The following DGKB variants were observed in gnomAD, a reference collection of about 807,000 sequenced individuals.
DGKB encodes the protein diacylglycerol kinase beta.
In DGKB, 67 loss-of-function variants were observed where a neutral mutation model predicts 114.3. The ratio of observed to expected loss-of-function variants is 0.59; its 90% CI spans 0.48 to 0.72. The LOEUF is 0.72. Ranked by LOEUF, DGKB falls within the 30% of genes least tolerant of loss-of-function variation. DGKB has a pLI of 0.00. For missense variants in DGKB, 907 were observed against 975.2 expected (o/e 0.93, Z 0.93); for synonymous variants, 398 against 323.1 (o/e 1.23, Z -2.49).
chr7:14,902,155 G>C (rs1293866480), intron 1 of DGKB, among the ~76,000 whole-genome samples: 1 of 152,082 alleles, frequency 6.6e-6, no homozygotes, highest in Non-Finnish European at 1.5e-5. Flanking sequence ...TTGCTTGCTT[G>C]CTTGTTTAGT....
intron 2 of DGKB, among the ~76,000 whole-genome samples, chr7:14,801,807 TTC>T (rs560728329): frequency 7.9e-4 from 120 of 151,976 alleles, no homozygotes; most frequent in African/African-American, 2.7e-3. Flanking sequence ...ATAAATTAGT[TTC>T]TCTCTCTCCC....
At chr7:14,728,325 C>T (rs1303413057) in intron 5 of DGKB, among the ~76,000 whole-genome samples, 1 of 152,172 alleles carries the variant, frequency 6.6e-6, no homozygotes, top group African/African-American at 2.4e-5. Context: ...CTTAAAATCT[C>T]ATAATGGCTT....
intron 25 of DGKB, among the ~76,000 whole-genome samples, chr7:14,159,171 G>C (rs191782377): frequency 1.6e-3 from 236 of 152,012 alleles, no homozygotes; most frequent in African/African-American, 5.2e-3. Flanking sequence ...GCTCCCACTG[G>C]ACCGTATGCC....
intron 23 of DGKB, among the ~76,000 whole-genome samples, chr7:14,288,921 G>C (rs746746088): frequency 2.6e-5 from 4 of 152,170 alleles, no homozygotes; most frequent in African/African-American, 9.7e-5. Context: ...GCTTGTGATA[G>C]CATCCACATG....
At chr7:14,627,850 G>A (rs1159058426) in intron 14 of DGKB, among the ~76,000 whole-genome samples, 1 of 151,842 alleles carries the variant, frequency 6.6e-6, no homozygotes, top group East Asian at 1.9e-4. Flanking sequence ...GGCTGAAGCA[G>A]GAGAATCGCT....
At chr7:14,408,118 C>T (rs1269405707) in intron 21 of DGKB, among the ~76,000 whole-genome samples, 10 of 152,060 alleles carry the variant, frequency 6.6e-5, no homozygotes, top group Admixed American at 6.6e-4. Flanking sequence ...GAAGAAAAAA[C>T]ATGGTGGCTC....
At chr7:14,486,511 C>T (rs1205448709) in intron 20 of DGKB, among the ~76,000 whole-genome samples, 1 of 152,134 alleles carries the variant, frequency 6.6e-6, no homozygotes, top group African/African-American at 2.4e-5. Flanking sequence ...CCCCAGGTGA[C>T]ATTTTCACCG....
intron 15 of DGKB, among the ~76,000 whole-genome samples, chr7:14,615,569 A>G (rs1806359118): frequency 6.6e-6 from 1 of 151,878 alleles, no homozygotes; most frequent in South Asian, 2.1e-4. Context: ...TTAAATGGAG[A>G]AACAGATTAA....
At chr7:14,240,523 A>G (rs1306488954) in intron 23 of DGKB, among the ~76,000 whole-genome samples, 1 of 152,086 alleles carries the variant, frequency 6.6e-6, no homozygotes, top group East Asian at 1.9e-4. Context: ...GATCATTATC[A>G]GAGCTGTCCC....
At chr7:14,829,813 C>T (rs1846173907) in intron 2 of DGKB, among the ~76,000 whole-genome samples, 1 of 152,044 alleles carries the variant, frequency 6.6e-6, no homozygotes, top group Non-Finnish European at 1.5e-5. Flanking sequence ...AAAGACAAAA[C>T]ATATTATTAA....
intron 2 of DGKB, among the ~76,000 whole-genome samples, chr7:14,840,714 A>G (rs1006416426): frequency 3.0e-5 from 4 of 134,358 alleles, no homozygotes; most frequent in African/African-American, 8.7e-5. Flanking sequence ...ACACACACAC[A>G]CACACACACA....
intron 21 of DGKB, among the ~76,000 whole-genome samples, chr7:14,468,387 C>A (rs193024798): frequency 1.3e-5 from 2 of 152,124 alleles, no homozygotes; most frequent in African/African-American, 2.4e-5. Context: ...GGGCTGAACA[C>A]AAGGGAACAG....
At chr7:14,780,494 G>T (rs1160587117) in intron 2 of DGKB, among the ~76,000 whole-genome samples, 1 of 152,174 alleles carries the variant, frequency 6.6e-6, no homozygotes, top group African/African-American at 2.4e-5. Context: ...CAGTTGTGAT[G>T]CTAGGTTAAT....
In DGKB at chr7:14,652,608, A is replaced by C. The variant is rs868725497; in HGVS notation, c.1134+20321T>G. ...GGCATGGGCAAGGACTTCCTGTCTA[A>C]AACACCAAAAGCAATGGCAACAAAA... On this transcript the variant is annotated intron_variant, in intron 13 of 25. Coordinates refer to ENST00000402815, the MANE Select transcript of DGKB (RefSeq NM_001350709.2). 4.8e-4 allele frequency among the ~76,000 whole-genome samples: 72 copies of C among 150,768 alleles called. No individual in the cohort carries two copies. In the Middle Eastern group the frequency reaches 0.017, roughly 36 times the overall value.
chr7:14,197,092 T>C (rs2128282790), intron 23 of DGKB, among the ~76,000 whole-genome samples: 1 of 152,210 alleles, frequency 6.6e-6, no homozygotes, highest in East Asian at 1.9e-4. Context: ...CCAAGGACTT[T>C]ATCTTCCCTT....
At chr7:14,932,125 T>C (rs984586347) in intron 1 of DGKB, among the ~76,000 whole-genome samples, 6 of 152,180 alleles carry the variant, frequency 3.9e-5, no homozygotes, top group African/African-American at 1.2e-4. Flanking sequence ...GGCTTATAGC[T>C]TGGGAGGGTC....
rs919086784 is a variant in DGKB, at chr7:14,149,182, G to A, written c.2361C>T (p.Thr787=). ...APMLMGPPPK[T]GLFCSLVKRT... ...TTTTGACGAGGGAGCAGAATAAACC[G>A]GTTTTTGGAGGCGGGCCCATCAGCA... Residue 787 remains threonine, a synonymous_variant, in exon 26 of 26, where the codon ACC becomes ACT. Transcript: ENST00000402815. 13 of 1,613,448 alleles carry A rather than the reference G, an allele frequency of 8.1e-6. No individual in the cohort carries two copies. The East Asian group carries it at 2.2e-4, about 28-fold the overall frequency.
chr7:14,496,006 A>C (rs1421390548), intron 20 of DGKB, among the ~76,000 whole-genome samples: 1 of 151,862 alleles, frequency 6.6e-6, no homozygotes, highest in African/African-American at 2.4e-5. Context: ...GTAGTGAATT[A>C]ATTCTAATCA....
At chr7:14,601,950 C>T (rs560209373) in intron 17 of DGKB, among the ~76,000 whole-genome samples, 4 of 151,974 alleles carry the variant, frequency 2.6e-5, no homozygotes, top group Admixed American at 1.3e-4. Context: ...CACCTCTCCT[C>T]CTCCTCCTCT....
Sources: gnomAD v4.1 joint callset for allele counts (sites outside exome capture counted in the v4.1 genomes callset) on GRCh38, gnomAD v4.1.1 for gene constraint, MANE v1.5 for transcripts, NCBI Gene and HGNC (gene_info 2026-07-23, HGNC 2026-07-21) for gene names.